HTR1F: variants seen among roughly 807,000 people sequenced by gnomAD.
The protein encoded by HTR1F is 5-hydroxytryptamine (serotonin) receptor 1F, G protein-coupled.
In HTR1F, 17 loss-of-function variants were observed where a neutral mutation model predicts 24.0. That is an observed-to-expected ratio of 0.71 (90% CI 0.48 to 1.06). The LOEUF (loss-of-function observed/expected upper bound fraction) is 1.06. HTR1F is among the 50% of genes least tolerant of loss of function. The pLI, the probability that HTR1F is intolerant of heterozygous loss-of-function variation, is 0.00. For synonymous variants in HTR1F, 186 were observed against 156.8 expected (o/e 1.19, Z -1.39); for missense variants, 391 against 427.8 (o/e 0.91, Z 0.76).
intron 2 of HTR1F, among the ~76,000 whole-genome samples, chr3:87,955,268 G>GT (rs1186477487): frequency 6.6e-6 from 1 of 151,124 alleles, no homozygotes; most frequent in East Asian, 1.9e-4. Context: ...ACCTATATTA[G>GT]TTTCGTTTTT....
chr3:87,901,807 G>A (rs1706330129), intron 2 of HTR1F, among the ~76,000 whole-genome samples: 1 of 151,974 alleles, frequency 6.6e-6, no homozygotes, highest in South Asian at 2.1e-4. Flanking sequence ...AGTCAGGAAT[G>A]GCTTTTCTAG....
chr3:87,793,669 A>G (rs571960446), intron 1 of HTR1F: 4 of 152,282 alleles, frequency 2.6e-5, no homozygotes, highest in South Asian at 2.1e-4. Context: ...GGAGGTTCCA[A>G]TGCTGGATGT....
chr3:87,965,812 A>C (rs1705151970), intron 2 of HTR1F, among the ~76,000 whole-genome samples: 1 of 152,206 alleles, frequency 6.6e-6, no homozygotes, highest in Non-Finnish European at 1.5e-5. Flanking sequence ...ATTCTTCTTC[A>C]AGTCAATGCC....
chr3:87,893,520 CATACCAAATTAAAAGACTGCT>C (rs1462237893), intron 2 of HTR1F, among the ~76,000 whole-genome samples: 3 of 152,192 alleles, frequency 2.0e-5, no homozygotes, highest in Non-Finnish European at 4.4e-5. Flanking sequence ...TTTATTTCAA[CATACCAAATTAAAAGACTGCT>C]AGAGGTAGGC....
At chr3:87,864,818 C>A (rs906170186) in intron 2 of HTR1F, among the ~76,000 whole-genome samples, 1 of 150,994 alleles carries the variant, frequency 6.6e-6, no homozygotes, top group African/African-American at 2.4e-5. Flanking sequence ...ATCGCTTGAA[C>A]CTGGGAGGCA....
intron 1 of HTR1F, among the ~76,000 whole-genome samples, chr3:87,804,237 T>G: frequency 1.3e-5 from 2 of 152,298 alleles, no homozygotes; most frequent in South Asian, 4.1e-4. Context: ...AACATTTTCT[T>G]CATTGTTGAA....
chr3:87,912,388 G>A (rs1703797277), intron 2 of HTR1F, among the ~76,000 whole-genome samples: 3 of 151,874 alleles, frequency 2.0e-5, no homozygotes, highest in African/African-American at 4.8e-5. Context: ...TCTACAAGTA[G>A]AACTACAAAG....
At chr3:87,883,553 C>T (rs1041223151) in intron 2 of HTR1F, among the ~76,000 whole-genome samples, 31 of 151,970 alleles carry the variant, frequency 2.0e-4, no homozygotes, top group African/African-American at 7.5e-4. Flanking sequence ...TTGAACCCAT[C>T]GCAAAGAAAC....
chr3:87,815,722 C>G (rs897749259), intron 1 of HTR1F, among the ~76,000 whole-genome samples: 1 of 152,074 alleles, frequency 6.6e-6, no homozygotes, highest in Admixed American at 6.6e-5. Context: ...TCCTGCCTTA[C>G]TTTACACTGA....
chr3:87,910,069 A>C (rs1448038662), intron 2 of HTR1F, among the ~76,000 whole-genome samples: 4 of 151,956 alleles, frequency 2.6e-5, no homozygotes, highest in African/African-American at 9.7e-5. Flanking sequence ...TATTCTTTTA[A>C]CTGTTTAAAT....
chr3:87,890,547 T>G (rs1379205102), intron 2 of HTR1F, among the ~76,000 whole-genome samples: 1 of 151,618 alleles, frequency 6.6e-6, no homozygotes, highest in African/African-American at 2.4e-5. Flanking sequence ...ATGCCTTTTT[T>G]TTTTTTTTTT....
chr3:87,805,234 T>G (rs1704054799), intron 1 of HTR1F, among the ~76,000 whole-genome samples: 1 of 152,024 alleles, frequency 6.6e-6, no homozygotes, highest in Non-Finnish European at 1.5e-5. Flanking sequence ...CTCCAAAATT[T>G]TCTTTATTCC....
intron 2 of HTR1F, among the ~76,000 whole-genome samples, chr3:87,835,306 G>T (rs1259923991): frequency 1.4e-5 from 2 of 147,604 alleles, no homozygotes; most frequent in Non-Finnish European, 3.0e-5. Context: ...CCACCCCCAG[G>T]GCAGACAGGA....
chr3:87,976,318 G>A (rs370313281), intron 2 of HTR1F, among the ~76,000 whole-genome samples: 1 of 152,100 alleles, frequency 6.6e-6, no homozygotes, highest in African/African-American at 2.4e-5. Context: ...ATAAAAGAGA[G>A]GGAAATAAAT....
At chr3:87,957,785 T>A (rs1037209398) in intron 2 of HTR1F, among the ~76,000 whole-genome samples, 17 of 151,400 alleles carry the variant, frequency 1.1e-4, no homozygotes, top group African/African-American at 3.1e-4. Flanking sequence ...TTGGCTTTTT[T>A]AAATCAGTCT....
intron 2 of HTR1F, among the ~76,000 whole-genome samples, chr3:87,856,571 C>T (rs1335562295): frequency 6.6e-6 from 1 of 152,052 alleles, no homozygotes; most frequent in Admixed American, 6.6e-5. Context: ...ACATTTATAC[C>T]TACTTGTTCT....
Position 87,991,392 on chromosome 3 carries a change from A to G in HTR1F, c.643A>G (p.Arg215Gly). The change falls in exon 3 of 3, where the codon AGA becomes GGA. Residue 215 changes from arginine to glycine, a missense_variant. Physicochemically the swap from Arg to Gly is moderately radical, Grantham distance 125. Coordinates refer to ENST00000319595, the MANE Select transcript of HTR1F (RefSeq NM_001322209.2). ...AGCAGCAAAGACATTATACCACAAG[A>G]GACAAGCAAGTAGGATTGCAAAGGA... ...YRAAKTLYHK[R>G]QASRIAKEEV... is the part of the protein sequence containing the mutation. The G allele has an allele frequency of 6.2e-7, 1 of 1,614,046 alleles. No individual in the cohort carries two copies.
intron 2 of HTR1F, among the ~76,000 whole-genome samples, chr3:87,882,468 C>A (rs1159331839): frequency 1.3e-5 from 2 of 151,894 alleles, no homozygotes; most frequent in East Asian, 1.9e-4. Flanking sequence ...AAATGTCCAA[C>A]AATGATAGAC....
At chr3:87,889,384 T>C (rs1706029518) in intron 2 of HTR1F, among the ~76,000 whole-genome samples, 1 of 152,194 alleles carries the variant, frequency 6.6e-6, no homozygotes. Flanking sequence ...TCTTATCACC[T>C]GCCATTCCCT....
Sources: allele counts gnomAD v4.1 joint callset (sites outside exome capture counted in the v4.1 genomes callset), GRCh38; gene constraint gnomAD v4.1.1; transcripts MANE v1.5; gene names NCBI Gene and HGNC (gene_info 2026-07-23, HGNC 2026-07-21).